SCHIP1: variants seen among roughly 807,000 people sequenced by gnomAD.
The protein encoded by SCHIP1 is schwannomin interacting protein 1.
Under a neutral mutation model 29.7 loss-of-function variants are expected in SCHIP1, and 8 were observed. That is an observed-to-expected ratio of 0.27 (90% CI 0.16 to 0.49). The LOEUF (loss-of-function observed/expected upper bound fraction) is 0.49. SCHIP1 is among the 20% of genes least tolerant of loss of function. The pLI is 0.99. For synonymous variants in SCHIP1, 76 were observed against 94.9 expected, an observed-to-expected ratio of 0.80 and a Z score of 1.16; for missense variants, 193 against 294.6, an observed-to-expected ratio of 0.66 and a Z score of 2.52.
At chr3:159,893,467 A>G (rs548609052) in intron 6 of SCHIP1, 5 of 152,328 alleles carry the variant, frequency 3.3e-5, no homozygotes, top group Middle Eastern at 3.4e-3. Context: ...AGGTGTTAAG[A>G]TTATGGGAAA....
the SCHIP1 span, among the ~76,000 whole-genome samples, chr3:159,754,827 T>G: frequency 1.3e-5 from 2 of 152,232 alleles, no homozygotes; most frequent in Non-Finnish European, 2.9e-5. Context: ...CAAGTGGTGA[T>G]CTAGGGATGA....
chr3:159,876,562 T>C (rs185140891), intron 2 of SCHIP1, among the ~76,000 whole-genome samples: 1 of 152,340 alleles, frequency 6.6e-6, no homozygotes, highest in East Asian at 1.9e-4. Context: ...TTTTATTTAC[T>C]CTTAGACACC....
At chr3:159,315,303 A>G in the SCHIP1 span, among the ~76,000 whole-genome samples, 1 of 145,992 alleles carries the variant, frequency 6.8e-6, no homozygotes, top group Non-Finnish European at 1.5e-5. Flanking sequence ...GGTTCACGCC[A>G]TTCTCCTGCC....
the SCHIP1 span, among the ~76,000 whole-genome samples, chr3:159,625,520 T>C: frequency 6.6e-6 from 1 of 152,182 alleles, no homozygotes; most frequent in Non-Finnish European, 1.5e-5. Context: ...ATTAAAATAC[T>C]AAATCTTTTT....
the SCHIP1 span, among the ~76,000 whole-genome samples, chr3:159,369,468 TCAA>T: frequency 6.6e-6 from 1 of 152,120 alleles, no homozygotes; most frequent in African/African-American, 2.4e-5. Context: ...AGATATGCAA[TCAA>T]CATTATCAGG....
chr3:159,385,869 C>T, the SCHIP1 span, among the ~76,000 whole-genome samples: 21,037 of 151,960 alleles, frequency 0.14, 1,716 homozygotes, highest in African/African-American at 0.2. Flanking sequence ...TGACAGGCCC[C>T]GGTGTGTGAT....
chr3:159,679,809 G>A, the SCHIP1 span, among the ~76,000 whole-genome samples: 11 of 151,842 alleles, frequency 7.2e-5, no homozygotes, highest in Non-Finnish European at 1.2e-4. Context: ...CCCCTGCTTC[G>A]ACGCCCCTCA....
At chr3:159,405,931 A>T in the SCHIP1 span, among the ~76,000 whole-genome samples, 1 of 151,782 alleles carries the variant, frequency 6.6e-6, no homozygotes, top group Non-Finnish European at 1.5e-5. Flanking sequence ...AAGATAAAAA[A>T]TAATTAAAAA....
At chr3:159,368,557 T>C in the SCHIP1 span, among the ~76,000 whole-genome samples, 3 of 152,210 alleles carry the variant, frequency 2.0e-5, no homozygotes, top group Non-Finnish European at 4.4e-5. Flanking sequence ...AAAATGGTGG[T>C]ACTAGACATT....
chr3:159,433,978 C>A, the SCHIP1 span, among the ~76,000 whole-genome samples: 1 of 152,174 alleles, frequency 6.6e-6, no homozygotes, highest in Non-Finnish European at 1.5e-5. Flanking sequence ...TAGTACTTGT[C>A]ACACTGTATC....
the SCHIP1 span, among the ~76,000 whole-genome samples, chr3:159,648,178 C>T: frequency 6.6e-6 from 1 of 152,110 alleles, no homozygotes; most frequent in African/African-American, 2.4e-5. Context: ...CCTCAACTTC[C>T]CTTCTCTGAA....
At chr3:159,795,666 A>G in the SCHIP1 span, among the ~76,000 whole-genome samples, 2 of 152,322 alleles carry the variant, frequency 1.3e-5, no homozygotes, top group East Asian at 3.9e-4. Flanking sequence ...TGTTCACTTC[A>G]TTTGGGTAGG....
the SCHIP1 span, among the ~76,000 whole-genome samples, chr3:159,581,733 A>G: frequency 6.6e-6 from 1 of 152,218 alleles, no homozygotes; most frequent in Non-Finnish European, 1.5e-5. Flanking sequence ...CAAGACTACA[A>G]GTAAAGTCTA....
chr3:159,493,900 G>A, the SCHIP1 span, among the ~76,000 whole-genome samples: 3 of 151,786 alleles, frequency 2.0e-5, no homozygotes, highest in African/African-American at 7.3e-5. Context: ...ATAACAAACT[G>A]TCTCTCAGAC....
chr3:159,810,923 G>A, the SCHIP1 span, among the ~76,000 whole-genome samples: 7 of 152,108 alleles, frequency 4.6e-5, no homozygotes, highest in Admixed American at 6.5e-5. Context: ...TATTCCCATC[G>A]GCAATGTATG....
At chr3:159,306,318 T>A in the SCHIP1 span, among the ~76,000 whole-genome samples, 1 of 152,248 alleles carries the variant, frequency 6.6e-6, no homozygotes, top group Non-Finnish European at 1.5e-5. Flanking sequence ...AATGCCTATG[T>A]TTAATAACTT....
At chr3:159,509,075 G>T in the SCHIP1 span, among the ~76,000 whole-genome samples, 72 of 152,248 alleles carry the variant, frequency 4.7e-4, no homozygotes, top group African/African-American at 1.7e-3. Flanking sequence ...GGGTGTTAAA[G>T]TCTCCCATTA....
chr3:159,694,596 GAAAGA>G, the SCHIP1 span, among the ~76,000 whole-genome samples: 4 of 137,006 alleles, frequency 2.9e-5, no homozygotes, highest in African/African-American at 8.2e-5. Context: ...AAGAAAGAAA[GAAAGA>G]AAGAAAGGAA....
the SCHIP1 span, among the ~76,000 whole-genome samples, chr3:159,422,010 A>G: frequency 2.0e-5 from 3 of 152,256 alleles, no homozygotes; most frequent in Non-Finnish European, 4.4e-5. Flanking sequence ...TTATCTTCTG[A>G]AAGTGAATGG....
Sources: gnomAD v4.1 joint callset for allele counts (sites outside exome capture counted in the v4.1 genomes callset) on GRCh38, gnomAD v4.1.1 for gene constraint, MANE v1.5 for transcripts, NCBI Gene and HGNC (gene_info 2026-07-23, HGNC 2026-07-21) for gene names.